SESTD1: variants seen among roughly 807,000 people sequenced by gnomAD.
The protein encoded by SESTD1 is SEC14 and spectrin domain containing 1, also known as SEC14 domain and spectrin repeat-containing protein 1.
A neutral mutation model predicts 101.7 loss-of-function variants in SESTD1; 43 were observed. The observed-to-expected ratio is 0.42, with a 90% confidence interval of 0.33 to 0.55. SESTD1 has a LOEUF of 0.55. Among genes scored for constraint, SESTD1 ranks in the 20% least tolerant of loss-of-function variants. SESTD1 has a pLI of 0.07. For synonymous variants in SESTD1, 283 were observed against 286.8 expected (o/e 0.99, Z 0.13); for missense variants, 647 against 815.1 (o/e 0.79, Z 2.51).
At chr2:179,118,906 A>G (rs1181456870) in intron 13 of SESTD1, among the ~76,000 whole-genome samples, 1 of 152,170 alleles carries the variant, frequency 6.6e-6, no homozygotes, top group Non-Finnish European at 1.5e-5. Context: ...TCCTAAAGTA[A>G]AGTAAGTATC....
At chr2:179,184,315 T>A (rs567320947) in intron 2 of SESTD1, among the ~76,000 whole-genome samples, 2 of 152,140 alleles carry the variant, frequency 1.3e-5, no homozygotes, top group Non-Finnish European at 2.9e-5. Flanking sequence ...CAATTCCACA[T>A]GATCGCTAGA....
chr2:179,163,607 C>T (rs535318560), intron 5 of SESTD1, among the ~76,000 whole-genome samples: 17 of 150,682 alleles, frequency 1.1e-4, no homozygotes, highest in African/African-American at 3.6e-4. Context: ...CTACCCTGCA[C>T]AAGCATTTCA....
At chr2:179,114,782 T>C (rs1407173337) in intron 16 of SESTD1, among the ~76,000 whole-genome samples, 1 of 152,134 alleles carries the variant, frequency 6.6e-6, no homozygotes, top group African/African-American at 2.4e-5. Flanking sequence ...ACAGAGGGCA[T>C]ATTCTGGACA....
In SESTD1 at chr2:179,108,779, T is replaced by G. The variant is rs1486880232; in HGVS notation, c.*1120A>C. The G allele has an allele frequency of 6.6e-6, 1 of 152,092 alleles. No homozygotes were observed. The highest frequency in any genetic ancestry group is 1.9e-4 in the East Asian group (1 of 5,196). The allele number at this position is 152,092 out of a possible 1,614,324, so 9.4% of individuals were successfully genotyped here. A position where few individuals can be genotyped will look rare whatever the true frequency, so the allele number is the denominator to read the frequency against. On this transcript the variant is annotated 3_prime_UTR_variant, in exon 18 of 18. Transcript: ENST00000428443. ...ATTATATGCATTTTACCATTTAAAC[T>G]TAATACAAACTTAAAAGAACTAGCA...
intron 8 of SESTD1, among the ~76,000 whole-genome samples, chr2:179,145,571 T>TA (rs1463855063): frequency 2.0e-5 from 3 of 152,234 alleles, no homozygotes; most frequent in African/African-American, 7.2e-5. Flanking sequence ...TTGATTCTCT[T>TA]AGAGTTTGTG....
chr2:179,114,058 C>G (rs1459707118), intron 16 of SESTD1, among the ~76,000 whole-genome samples: 1 of 151,014 alleles, frequency 6.6e-6, no homozygotes, highest in East Asian at 1.9e-4. Flanking sequence ...TCTCACTGCA[C>G]AGAATACTTG....
At chr2:179,234,943 T>C (rs2047044871) in intron 1 of SESTD1, among the ~76,000 whole-genome samples, 1 of 148,524 alleles carries the variant, frequency 6.7e-6, no homozygotes, top group Non-Finnish European at 1.5e-5. Flanking sequence ...ATCTCATCTC[T>C]TTAAAAAAAA....
chr2:179,250,583 G>A (rs1307980910), intron 1 of SESTD1, among the ~76,000 whole-genome samples: 1 of 152,080 alleles, frequency 6.6e-6, no homozygotes, highest in Non-Finnish European at 1.5e-5. Context: ...GCCCTTTCAT[G>A]GTCTTTCCTT....
In SESTD1 at chr2:179,176,797, T is replaced by C. The variant is rs562041794; in HGVS notation, c.165-259A>G. On this transcript the variant is annotated intron_variant, in intron 3 of 17. Coordinates refer to ENST00000428443, the MANE Select transcript of SESTD1 (RefSeq NM_178123.5). ...ATTATTCTAAAAGCATAAAAGTCAATGTCTTAAAAAGTAAAGACATCAAAG... is the reference window on the plus strand; with the variant it reads ...ATTATTCTAAAAGCATAAAAGTCAACGTCTTAAAAAGTAAAGACATCAAAG... 1.5e-3 allele frequency among the ~76,000 whole-genome samples: 222 copies of C among 152,328 alleles called. 1 individual carries two copies. The highest frequency in any genetic ancestry group is 2.6e-3 in the Non-Finnish European group (175 of 68,022).
At chr2:179,150,848 G>C (rs1016630184) in intron 6 of SESTD1, among the ~76,000 whole-genome samples, 3 of 151,962 alleles carry the variant, frequency 2.0e-5, no homozygotes, top group Non-Finnish European at 2.9e-5. Flanking sequence ...TTATGCTACT[G>C]TTATTCTAAT....
chr2:179,198,425 G>T (rs1258382065), intron 1 of SESTD1, among the ~76,000 whole-genome samples: 1 of 152,168 alleles, frequency 6.6e-6, no homozygotes, highest in Non-Finnish European at 1.5e-5. Flanking sequence ...GGATACCCAG[G>T]AATTGAACTC....
chr2:179,151,211 TGATA>T, intron 6 of SESTD1, 63 bp downstream of exon 6: 2 of 1,114,596 alleles, frequency 1.8e-6, no homozygotes, highest in South Asian at 4.2e-5. Flanking sequence ...TAGACTAAAA[TGATA>T]AAGTTATCAA....
intron 1 of SESTD1, among the ~76,000 whole-genome samples, chr2:179,227,936 T>C (rs2046914261): frequency 6.6e-6 from 1 of 152,152 alleles, no homozygotes; most frequent in Non-Finnish European, 1.5e-5. Context: ...CTGGCTGCCA[T>C]TTGGTATGGG....
intron 1 of SESTD1, among the ~76,000 whole-genome samples, chr2:179,231,500 C>A (rs2046987233): frequency 6.8e-6 from 1 of 147,262 alleles, no homozygotes; most frequent in Non-Finnish European, 1.5e-5. Context: ...CAACAAACAG[C>A]AAAGCCTAAA....
At chr2:179,126,276 AT>A (rs1359311573) in intron 10 of SESTD1, among the ~76,000 whole-genome samples, 1 of 152,160 alleles carries the variant, frequency 6.6e-6, no homozygotes, top group Non-Finnish European at 1.5e-5. Flanking sequence ...AAAAAATTCC[AT>A]CTTGCCACAA....
chr2:179,147,247 C>T (rs1030780232), intron 7 of SESTD1, among the ~76,000 whole-genome samples: 9 of 151,734 alleles, frequency 5.9e-5, no homozygotes, highest in East Asian at 3.9e-4. Flanking sequence ...AGCAATAACA[C>T]GTCAGTTCCT....
chr2:179,118,723 C>G (rs894946485), intron 13 of SESTD1, among the ~76,000 whole-genome samples: 2 of 152,080 alleles, frequency 1.3e-5, no homozygotes, highest in Non-Finnish European at 2.9e-5. Context: ...CATACATATA[C>G]TGTATTCAGG....
chr2:179,160,552 C>T (rs917612862), intron 5 of SESTD1, among the ~76,000 whole-genome samples: 3 of 151,840 alleles, frequency 2.0e-5, no homozygotes, highest in Non-Finnish European at 2.9e-5. Flanking sequence ...GACATTGTCA[C>T]CTGTTCTAAT....
At chr2:179,153,835 CAATAAG>C (rs920051733) in intron 5 of SESTD1, among the ~76,000 whole-genome samples, 2 of 152,022 alleles carry the variant, frequency 1.3e-5, no homozygotes, top group East Asian at 1.9e-4. Flanking sequence ...AGTTACACAT[CAATAAG>C]AATAATAAAT....
Sources: gnomAD v4.1 joint callset for allele counts (sites outside exome capture counted in the v4.1 genomes callset) on GRCh38, gnomAD v4.1.1 for gene constraint, MANE v1.5 for transcripts, NCBI Gene and HGNC (gene_info 2026-07-23, HGNC 2026-07-21) for gene names.